The following MRO variants were observed in gnomAD, a reference collection of about 807,000 sequenced individuals.
The protein encoded by MRO is maestro.
Under a neutral mutation model 31.0 loss-of-function variants are expected in MRO, and 28 were observed. The observed-to-expected ratio is 0.90, with a 90% CI of 0.67 to 1.24. The LOEUF is 1.24. MRO is among the 50% of genes most tolerant of loss of function. MRO has a pLI of 0.00. For missense variants in MRO, 332 were observed against 289.2 expected (o/e 1.15, Z -1.07); for synonymous variants, 108 against 108.4 (o/e 1.00, Z 0.02).
intron 2 of MRO, among the ~76,000 whole-genome samples, chr18:50,814,936 C>T (rs767766820): frequency 2.7e-4 from 41 of 152,116 alleles, no homozygotes; most frequent in Non-Finnish European, 5.3e-4. Context: ...TGGCACGTGC[C>T]TGTAATCCCA....
At chr18:50,806,917 C>A in intron 3 of MRO, 67 bp from the exon 4 acceptor site, 3 of 1,492,930 alleles carry the variant, frequency 2.0e-6, no homozygotes, top group Non-Finnish European at 2.8e-6. Flanking sequence ...CAACCCCAAT[C>A]TCTCCCTCTA....
chr18:50,815,354 G>A, intron 2 of MRO: 1 of 260,342 alleles, frequency 3.8e-6, no homozygotes, highest in Non-Finnish European at 7.8e-6. Context: ...TGGTGGAAAG[G>A]AGGCTATGGT....
At position 50,809,144 on chromosome 18, in the gene MRO, C is replaced by CAAAAAAAAAAAA. The variant is rs61728184; in HGVS notation, c.99+146_99+157dup. Among the ~76,000 whole-genome samples, 232 of 99,070 alleles carry CAAAAAAAAAAAA rather than the reference C, an allele frequency of 2.3e-3. 28 individuals carry two copies. The highest frequency in any genetic ancestry group is 5.0e-3 in the Middle Eastern group (1 of 202). The allele number at this position is 99,070 out of a possible 152,430, so 65.0% of individuals were successfully genotyped here. ...TGGGCGACAGAGCGAGACTCCGTCT[C>CAAAAAAAAAAAA]AAAAAAAAAAAAAAAAAAAAAAAAA... On this transcript the variant is annotated intron_variant, in intron 3 of 7. Transcript: ENST00000398439.
At position 50,806,821 on chromosome 18, in the gene MRO, C is replaced by G. The variant is rs1432443804; in HGVS notation, c.129G>C (p.Arg43=). 1.2e-6 allele frequency: 2 copies of G among 1,613,972 alleles called. No homozygotes were observed. Among genetic ancestry groups the G allele is most frequent in the African/African-American group, 2.7e-5 (2 of 74,908 alleles). The change falls in exon 4 of 8, where the codon CGG becomes CGC. Residue 43 remains arginine (R), a synonymous_variant. Coordinates refer to ENST00000398439, the MANE Select transcript of MRO (RefSeq NM_031939.6). ...KVSWKLRFQK[R]EPLKNVFFIL... ...TGAAAAACACATTCTTCAGAGGCTCCCGCTTCTGGAACCTCAGTTTCCAAG... is the reference window on the plus strand; with the variant it reads ...TGAAAAACACATTCTTCAGAGGCTCGCGCTTCTGGAACCTCAGTTTCCAAG...
intron 7 of MRO, 113 bp from the exon 8 acceptor site, chr18:50,799,503 A>C: frequency 1.1e-6 from 1 of 883,102 alleles, no homozygotes; most frequent in Non-Finnish European, 1.9e-6. Context: ...GGAGAGGTGG[A>C]GGCATCATCT....
intron 2 of MRO, among the ~76,000 whole-genome samples, chr18:50,809,714 G>C (rs906989160): frequency 5.3e-5 from 8 of 152,156 alleles, no homozygotes; most frequent in African/African-American, 9.7e-5. Flanking sequence ...TGCCCACAGA[G>C]TTCTCATGAA....
chr18:50,799,841 G>A (rs1396817646), intron 7 of MRO, among the ~76,000 whole-genome samples, 195 bp downstream of exon 7: 3 of 152,168 alleles, frequency 2.0e-5, no homozygotes, highest in South Asian at 2.1e-4. Context: ...AACTTGGGAG[G>A]TGAAGGCTGC....
At chr18:50,817,185 C>T (rs554643720) in intron 2 of MRO, among the ~76,000 whole-genome samples, 1 of 152,314 alleles carries the variant, frequency 6.6e-6, no homozygotes, top group Admixed American at 6.5e-5. Context: ...CCTCTTCTAG[C>T]AAACCCTACC....
At chr18:50,815,106 TG>T in intron 2 of MRO, 1 of 218,226 alleles carries the variant, frequency 4.6e-6, no homozygotes. Context: ...CCAGGCAGAG[TG>T]GAAAACAGAG....
At chr18:50,803,210 G>T (rs1214562134) in intron 5 of MRO, among the ~76,000 whole-genome samples, 1 of 151,994 alleles carries the variant, frequency 6.6e-6, no homozygotes, top group East Asian at 1.9e-4. Context: ...GGCAACCAGG[G>T]TTTAAAAAAA....
chr18:50,804,342 C>A (rs1357701113), intron 5 of MRO, among the ~76,000 whole-genome samples: 1 of 152,194 alleles, frequency 6.6e-6, no homozygotes, highest in Non-Finnish European at 1.5e-5. Context: ...AAGATGAAAA[C>A]TCACCAGGCA....
At chr18:50,818,438 T>A (rs548742354) in intron 2 of MRO, among the ~76,000 whole-genome samples, 1 of 152,286 alleles carries the variant, frequency 6.6e-6, no homozygotes, top group East Asian at 1.9e-4. Flanking sequence ...ACCCCTTGGT[T>A]TTCACGAACC....
In MRO at chr18:50,801,428, T is replaced by C; in HGVS notation, c.506A>G (p.Lys169Arg). Residue 169 changes from lysine (K) to arginine (R), a missense_variant, in exon 6 of 8, where the codon AAA (lysine) becomes AGA (arginine). Coordinates refer to ENST00000398439, the MANE Select transcript of MRO (RefSeq NM_031939.6). ...CTGCTTAACCTGACTGGTGAAAAAT[T>C]TTTTCCATTTCCTCCCGGCAAAGGC... ...LAAFAGRKWK[K>R]FFTSQVKQTR... 1 of 1,611,732 alleles carries C rather than the reference T, an allele frequency of 6.2e-7. No homozygotes were observed. Among genetic ancestry groups the C allele is most frequent in the Non-Finnish European group, 8.5e-7 (1 of 1,178,542 alleles).
intron 5 of MRO, among the ~76,000 whole-genome samples, chr18:50,803,715 T>G (rs147094746): frequency 1.2e-4 from 18 of 152,330 alleles, no homozygotes; most frequent in African/African-American, 4.3e-4. Context: ...GAGACACATG[T>G]GCCCAGCTCC....
At chr18:50,821,845 T>C (rs1335462869), upstream of MRO, among the ~76,000 whole-genome samples, 3 of 152,368 alleles carry the variant, frequency 2.0e-5, no homozygotes, top group South Asian at 2.1e-4. Context: ...GCCTTTCTGA[T>C]ACTTGCACTG....
At chr18:50,822,414 C>G (rs576446190), upstream of MRO, among the ~76,000 whole-genome samples, 16 of 152,328 alleles carry the variant, frequency 1.1e-4, no homozygotes, top group African/African-American at 3.8e-4. Context: ...ACTTGGCTCA[C>G]TGCAACCTCC....
intron 3 of MRO, among the ~76,000 whole-genome samples, 156 bp downstream of exon 3, chr18:50,809,144 CAA>C (rs61728184): frequency 2.2e-3 from 221 of 99,008 alleles, no homozygotes; most frequent in African/African-American, 9.6e-3. Flanking sequence ...GACTCCGTCT[CAA>C]AAAAAAAAAA....
intron 4 of MRO, among the ~76,000 whole-genome samples, chr18:50,806,352 C>G (rs916448170): frequency 2.6e-5 from 4 of 152,130 alleles, no homozygotes; most frequent in African/African-American, 9.7e-5. Flanking sequence ...CCCCGGCATA[C>G]AGCAGGCAAA....
At chr18:50,819,464 G>C (rs965740814) in intron 2 of MRO, 117 bp downstream of exon 2, 3 of 1,460,806 alleles carry the variant, frequency 2.1e-6, no homozygotes, top group African/African-American at 2.8e-5. Context: ...CTACCCCCTA[G>C]AGGTCGAGCT....
Sources: gnomAD v4.1 joint callset for allele counts (sites outside exome capture counted in the v4.1 genomes callset) on GRCh38, gnomAD v4.1.1 for gene constraint, MANE v1.5 for transcripts, NCBI Gene and HGNC (gene_info 2026-07-23, HGNC 2026-07-21) for gene names.